DISP1: variants seen among roughly 807,000 people sequenced by gnomAD.
DISP1 encodes the protein dispatched RND transporter family member 1.
Under a neutral mutation model 37.3 loss-of-function variants are expected in DISP1, and 30 were observed. The observed-to-expected ratio is 0.80, with a 90% CI of 0.60 to 1.09. DISP1 has a LOEUF of 1.09. Among genes scored for constraint, DISP1 ranks in the 50% least tolerant of loss-of-function variants. DISP1 has a pLI of 0.00. For synonymous variants in DISP1, 634 were observed against 690.2 expected, an observed-to-expected ratio of 0.92 and a Z score of 1.28; for missense variants, 1,598 against 1,879.5, an observed-to-expected ratio of 0.85 and a Z score of 2.77.
At chr1:222,945,536 A>G (rs1249069364) in intron 3 of DISP1, among the ~76,000 whole-genome samples, 2 of 152,196 alleles carry the variant, frequency 1.3e-5, no homozygotes, top group Non-Finnish European at 2.9e-5. Context: ...TTCTTTCAGT[A>G]TGGAAGGTTG....
chr1:222,942,148 T>C (rs1674433270), intron 2 of DISP1, among the ~76,000 whole-genome samples: 1 of 151,948 alleles, frequency 6.6e-6, no homozygotes, highest in South Asian at 2.1e-4. Flanking sequence ...ATCCCACCCA[T>C]AGTATTATTT....
chr1:222,961,999 T>A (rs1465122915), intron 3 of DISP1, among the ~76,000 whole-genome samples: 1 of 149,962 alleles, frequency 6.7e-6, no homozygotes, highest in Non-Finnish European at 1.5e-5. Context: ...AGCAAGACTC[T>A]GTCTCAAAAA....
intron 1 of DISP1, among the ~76,000 whole-genome samples, chr1:222,815,988 AT>A (rs752284375): frequency 2.3e-4 from 35 of 151,990 alleles, no homozygotes; most frequent in Non-Finnish European, 3.7e-4. Flanking sequence ...AGTTTAACCA[AT>A]AAAGGCAATT....
In DISP1 at chr1:223,002,407, G is replaced by A. The variant is rs765403381; in HGVS notation, c.1010G>A (p.Gly337Asp). Residue 337 changes from glycine to aspartate, a missense_variant, in exon 9 of 9, where the codon GGT (glycine) becomes GAT (aspartate). Transcript: ENST00000675850. Reference protein sequence around the residue: ...NSRIRSHPQFGDLCQRTTAAS... With the variant: ...NSRIRSHPQFDDLCQRTTAAS... Reference sequence around the variant, plus strand: ...CAGATCAGATCTCATCCCCAGTTTGGTGATCTCTGCCAGAGGACCACTGCT... The same window carrying A: ...CAGATCAGATCTCATCCCCAGTTTGATGATCTCTGCCAGAGGACCACTGCT... 18 of 1,614,006 alleles carry A rather than the reference G, an allele frequency of 1.1e-5. No individual in the cohort carries two copies. Among genetic ancestry groups the A allele is most frequent in the Non-Finnish European group, 1.5e-5 (18 of 1,180,004 alleles).
intron 3 of DISP1, among the ~76,000 whole-genome samples, chr1:222,956,142 C>T (rs1675579641): frequency 1.3e-5 from 2 of 152,206 alleles, no homozygotes; most frequent in African/African-American, 4.8e-5. Context: ...GGCCTGCCCA[C>T]CTCCTCTTTC....
At chr1:222,896,837 A>G (rs1671288619) in intron 1 of DISP1, among the ~76,000 whole-genome samples, 1 of 152,224 alleles carries the variant, frequency 6.6e-6, no homozygotes, top group African/African-American at 2.4e-5. Flanking sequence ...ATTATTTAAA[A>G]CCCACAATGA....
intron 1 of DISP1, among the ~76,000 whole-genome samples, chr1:222,841,353 A>G (rs1186024131): frequency 6.6e-6 from 1 of 152,164 alleles, no homozygotes; most frequent in Non-Finnish European, 1.5e-5. Context: ...TTCTTAAACC[A>G]TTTAATCCTC....
chr1:222,887,314 A>G (rs1434883426), intron 1 of DISP1, among the ~76,000 whole-genome samples: 3 of 152,056 alleles, frequency 2.0e-5, no homozygotes, highest in Non-Finnish European at 4.4e-5. Flanking sequence ...CATCCTTCTG[A>G]TTGGCTGTTC....
At chr1:222,999,738 G>T (rs2102782645) in intron 8 of DISP1, among the ~76,000 whole-genome samples, 1 of 152,286 alleles carries the variant, frequency 6.6e-6, no homozygotes, top group South Asian at 2.1e-4. Context: ...CTCCCTAAAA[G>T]TACAGACAAT....
At chr1:222,885,473 T>C (rs1190628979) in intron 1 of DISP1, among the ~76,000 whole-genome samples, 1 of 149,800 alleles carries the variant, frequency 6.7e-6, no homozygotes, top group Non-Finnish European at 1.5e-5. Context: ...TCTTTTCTTT[T>C]TTTTTTTTTT....
At chr1:222,832,697 C>G (rs1449052879) in intron 1 of DISP1, among the ~76,000 whole-genome samples, 1 of 152,146 alleles carries the variant, frequency 6.6e-6, no homozygotes, top group Non-Finnish European at 1.5e-5. Context: ...GAGTTCAAGA[C>G]CAGCCTGGCC....
chr1:222,860,145 C>T (rs1572361352), intron 1 of DISP1, among the ~76,000 whole-genome samples: 1 of 152,224 alleles, frequency 6.6e-6, no homozygotes, highest in African/African-American at 2.4e-5. Context: ...CAACCTCTGC[C>T]TCCCAGATTC....
intron 1 of DISP1, among the ~76,000 whole-genome samples, chr1:222,882,902 A>T (rs1475211547): frequency 6.6e-6 from 1 of 152,156 alleles, no homozygotes; most frequent in Non-Finnish European, 1.5e-5. Flanking sequence ...CTAAAAAAGA[A>T]ATTTTTGCAA....
At chr1:222,985,447 C>G (rs1034886315) in intron 4 of DISP1, among the ~76,000 whole-genome samples, 1 of 152,232 alleles carries the variant, frequency 6.6e-6, no homozygotes. Flanking sequence ...GTCAGGAGTT[C>G]GAGACCAGCC....
chr1:222,986,537 A>G (rs1678287666), intron 4 of DISP1, among the ~76,000 whole-genome samples: 1 of 152,194 alleles, frequency 6.6e-6, no homozygotes, highest in Non-Finnish European at 1.5e-5. Context: ...TCCACTGAGT[A>G]CCAGTGAAAA....
At chr1:222,925,370 A>G (rs796307339) in intron 1 of DISP1, among the ~76,000 whole-genome samples, 3 of 152,318 alleles carry the variant, frequency 2.0e-5, no homozygotes, top group African/African-American at 7.2e-5. Context: ...ACAGTGAAAT[A>G]GGATTAGCTG....
rs1355412703 is a variant in DISP1 at position 223,005,480 on chromosome 1, G to A, written c.4083G>A (p.Gln1361=). Residue 1361 remains glutamine, a synonymous_variant, in exon 9 of 9, where the codon CAG becomes CAA. Coordinates refer to ENST00000675850, the MANE Select transcript of DISP1 (RefSeq NM_001377229.1). ...GGAATTTTTTCCTCCACCCAGTGCAGCACATTCAGGCCCAAGAAAAAATTG... is the reference window on the plus strand; with the variant it reads ...GGAATTTTTTCCTCCACCCAGTGCAACACATTCAGGCCCAAGAAAAAATTG... ...LPRNFFLHPV[Q]HIQAQEKIGK... is the part of the protein sequence containing the mutation. 2.5e-6 allele frequency: 4 copies of A among 1,613,804 alleles called. No homozygotes were observed. Among genetic ancestry groups the A allele is most frequent in the Non-Finnish European group, 3.4e-6 (4 of 1,180,044 alleles).
intron 3 of DISP1, among the ~76,000 whole-genome samples, chr1:222,976,847 A>G (rs1677369543): frequency 6.6e-6 from 1 of 152,188 alleles, no homozygotes. Context: ...AAAGATAGCA[A>G]AATCTCCTAA....
chr1:222,990,856 T>G, intron 5 of DISP1, 108 bp downstream of exon 5: 8 of 1,418,082 alleles, frequency 5.6e-6, no homozygotes, highest in Non-Finnish European at 7.9e-6. Context: ...AAAAACCTTC[T>G]CAAGCAACAA....
Sources: allele counts gnomAD v4.1 joint callset (sites outside exome capture counted in the v4.1 genomes callset), GRCh38; gene constraint gnomAD v4.1.1; transcripts MANE v1.5; gene names NCBI Gene and HGNC (gene_info 2026-07-23, HGNC 2026-07-21).